Variants in ADGRE1 observed in about 807,000 individuals in gnomAD.
The protein encoded by ADGRE1 is adhesion G protein-coupled receptor E1.
In ADGRE1, 82 loss-of-function variants were observed where a neutral mutation model predicts 102.7. The observed-to-expected ratio is 0.80, with a 90% CI of 0.67 to 0.96. ADGRE1 has a LOEUF of 0.96. Ranked by LOEUF, ADGRE1 falls within the 40% of genes least tolerant of loss-of-function variation. The pLI is 0.00. For missense variants in ADGRE1, 1,032 were observed against 1,085.3 expected, an observed-to-expected ratio of 0.95 and a Z score of 0.69; for synonymous variants, 398 against 399.6, an observed-to-expected ratio of 1.00 and a Z score of 0.05.
At chr19:6,891,560 TCTC>T (rs1973375428) in intron 2 of ADGRE1, among the ~76,000 whole-genome samples, 1 of 151,986 alleles carries the variant, frequency 6.6e-6, no homozygotes, top group African/African-American at 2.4e-5. Flanking sequence ...TTCACGCCAT[TCTC>T]CTGCCTCAGC....
chr19:6,916,102 G>A, intron 11 of ADGRE1, 147 bp from the exon 12 acceptor site: 1 of 766,178 alleles, frequency 1.3e-6, no homozygotes, highest in Non-Finnish European at 2.0e-6. Flanking sequence ...TTCATCATGG[G>A]CCTCAAGATC....
At chr19:6,902,666 C>G (rs1251462877) in intron 6 of ADGRE1, among the ~76,000 whole-genome samples, 2 of 152,108 alleles carry the variant, frequency 1.3e-5, no homozygotes, top group East Asian at 3.9e-4. Flanking sequence ...GTCTCAAACT[C>G]CTGACCCCAG....
At chr19:6,936,677 C>A (rs1323119982) in intron 18 of ADGRE1, among the ~76,000 whole-genome samples, 1 of 149,400 alleles carries the variant, frequency 6.7e-6, no homozygotes, top group Non-Finnish European at 1.5e-5. Flanking sequence ...GGCTAGAGGG[C>A]ATTGGCACGG....
chr19:6,937,840 ATC>A lies in ADGRE1; in HGVS notation c.2655+198_2655+199del, dbSNP rs778088696. On this transcript the variant is annotated intron_variant, in intron 20 of 20. Coordinates refer to ENST00000312053, the MANE Select transcript of ADGRE1 (RefSeq NM_001974.5). ...ATTAGCAGACACACACACATTATCTATCTCTCTATTTAAATAAAATTTCAAGA... is the reference window on the plus strand; with the variant it reads ...ATTAGCAGACACACACACATTATCTATCTCTATTTAAATAAAATTTCAAGA... Among the ~76,000 whole-genome samples the A allele has an allele frequency of 2.6e-5, 4 of 152,234 alleles. No homozygotes were observed. The East Asian group carries it at 5.8e-4, about 22-fold the overall frequency.
chr19:6,931,075 C>T (rs937215209), intron 17 of ADGRE1, among the ~76,000 whole-genome samples: 8 of 151,764 alleles, frequency 5.3e-5, no homozygotes. Context: ...TGTTCCCCAC[C>T]CACCCCTTCA....
chr19:6,936,709 G>A (rs932243508), intron 18 of ADGRE1, among the ~76,000 whole-genome samples: 21 of 148,950 alleles, frequency 1.4e-4, no homozygotes, highest in African/African-American at 4.4e-4. Context: ...TGCAACCTCC[G>A]CCTCCCAGGT....
chr19:6,936,713 C>T (rs1165732917), intron 18 of ADGRE1, among the ~76,000 whole-genome samples: 1 of 151,712 alleles, frequency 6.6e-6, no homozygotes. Context: ...ACCTCCGCCT[C>T]CCAGGTTCAA....
chr19:6,917,982 G>A (rs1385216276), intron 12 of ADGRE1, among the ~76,000 whole-genome samples: 1 of 152,168 alleles, frequency 6.6e-6, no homozygotes, highest in African/African-American at 2.4e-5. Context: ...GGAGAGAGAT[G>A]TGAGGCTTGG....
chr19:6,902,387 G>A (rs961725154), intron 6 of ADGRE1, among the ~76,000 whole-genome samples: 2 of 151,948 alleles, frequency 1.3e-5, no homozygotes, highest in African/African-American at 4.8e-5. Flanking sequence ...CCTCCACTGT[G>A]TGCCTCTTTT....
chr19:6,934,316 TACTA>T (rs774715241), intron 17 of ADGRE1, among the ~76,000 whole-genome samples: 59 of 152,142 alleles, frequency 3.9e-4, no homozygotes, highest in Non-Finnish European at 6.5e-4. Flanking sequence ...AGCTGTCAAT[TACTA>T]ACTAAGTCCT....
chr19:6,933,889 G>A (rs73920253), intron 17 of ADGRE1, among the ~76,000 whole-genome samples: 3,177 of 151,256 alleles, frequency 0.021, 117 homozygotes, highest in African/African-American at 0.074. Context: ...TGTATATCTT[G>A]CTCAGGAATG....
intron 2 of ADGRE1, among the ~76,000 whole-genome samples, chr19:6,891,889 G>A (rs955958117): frequency 6.6e-6 from 1 of 152,152 alleles, no homozygotes; most frequent in Non-Finnish European, 1.5e-5. Flanking sequence ...GGCATGTCTG[G>A]TGGCCAGAAC....
At chr19:6,928,245 G>A (rs1327532887) in intron 17 of ADGRE1, 34 bp downstream of exon 17, 2 of 1,614,108 alleles carry the variant, frequency 1.2e-6, no homozygotes, top group East Asian at 2.2e-5. Flanking sequence ...GGCGAAGTGT[G>A]TTCTGAAGGA....
intron 12 of ADGRE1, among the ~76,000 whole-genome samples, chr19:6,917,459 C>T (rs974443813): frequency 6.6e-6 from 1 of 152,032 alleles, no homozygotes; most frequent in African/African-American, 2.4e-5. Context: ...TTGAGGGTCG[C>T]TGGGCGTGGT....
chr19:6,911,750 T>G (rs1974197805), intron 10 of ADGRE1, among the ~76,000 whole-genome samples: 1 of 150,344 alleles, frequency 6.7e-6, no homozygotes, highest in Non-Finnish European at 1.5e-5. Flanking sequence ...GCACACACAG[T>G]ATGTACACAC....
rs1186474252 is a variant in ADGRE1 at position 6,916,231 on chromosome 19, C to T, written c.1301-18C>T. 3 of 1,607,666 alleles carry T rather than the reference C, an allele frequency of 1.9e-6. No individual in the cohort carries two copies. The highest frequency in any genetic ancestry group is 2.5e-6 in the Non-Finnish European group (3 of 1,176,528). On this transcript the variant is annotated intron_variant, in intron 11 of 20. Coordinates refer to ENST00000312053, the MANE Select transcript of ADGRE1 (RefSeq NM_001974.5). ...CTTTCTGGGTGACCTCATACGAACT[C>T]TCCCTTTCTCTTTTTAGACATTGAG...
At chr19:6,934,247 G>T (rs1339405216) in intron 17 of ADGRE1, among the ~76,000 whole-genome samples, 1 of 152,018 alleles carries the variant, frequency 6.6e-6, no homozygotes, top group African/African-American at 2.4e-5. Flanking sequence ...ATTGGTTAGG[G>T]GTACCTATTG....
At chr19:6,918,614 C>T (rs866160187) in intron 12 of ADGRE1, among the ~76,000 whole-genome samples, 2 of 152,188 alleles carry the variant, frequency 1.3e-5, no homozygotes, top group African/African-American at 2.4e-5. Flanking sequence ...GAGACTGAAA[C>T]AGAATAACCA....
Position 6,940,142 on chromosome 19 carries a change from C to G in ADGRE1, c.*113C>G, listed in dbSNP as rs1975612869. 8.6e-6 allele frequency: 11 copies of G among 1,274,078 alleles called. No individual in the cohort carries two copies. The East Asian group carries it at 1.2e-4, about 14-fold the overall frequency. 78.9% of individuals were successfully genotyped at this position (1,274,078 alleles called of 1,614,324 possible). ...CTTAACATGGAAATGAGGATCCCAC[C>G]AGCCCCAGAACCCTCTGGGGAAGAA... On this transcript the variant is annotated 3_prime_UTR_variant, in exon 21 of 21. Transcript: ENST00000312053.
Sources: gnomAD v4.1 joint callset for allele counts (sites outside exome capture counted in the v4.1 genomes callset) on GRCh38, gnomAD v4.1.1 for gene constraint, MANE v1.5 for transcripts, NCBI Gene and HGNC (gene_info 2026-07-23, HGNC 2026-07-21) for gene names.